CDH22: variants seen among roughly 807,000 people sequenced by gnomAD.
The protein encoded by CDH22 is cadherin 22, also known as cadherin-22.
A neutral mutation model predicts 58.4 loss-of-function variants in CDH22; 30 were observed. The observed-to-expected ratio is 0.51, with a 90% CI of 0.38 to 0.70. The LOEUF (loss-of-function observed/expected upper bound fraction) is 0.70. CDH22 is among the 30% of genes least tolerant of loss of function. The probability of loss-of-function intolerance (pLI) is 0.00; values close to 1 mark genes in which losing one functional copy is unlikely to be tolerated. For synonymous variants in CDH22, 513 were observed against 558.2 expected (o/e 0.92, Z 1.14); for missense variants, 1,014 against 1,233.9 (o/e 0.82, Z 2.67).
chr20:46,262,180 G>T (rs2086436104), intron 1 of CDH22, among the ~76,000 whole-genome samples: 1 of 151,610 alleles, frequency 6.6e-6, no homozygotes, highest in Non-Finnish European at 1.5e-5. Context: ...TGGGACAGAG[G>T]GTGTTTGCAT....
intron 1 of CDH22, among the ~76,000 whole-genome samples, chr20:46,278,055 G>A (rs1327101663): frequency 6.6e-6 from 1 of 152,018 alleles, no homozygotes; most frequent in Non-Finnish European, 1.5e-5. Flanking sequence ...CGTGATGACA[G>A]GTGACAAGGA....
chr20:46,306,015 C>T (rs545204383), intron 1 of CDH22, among the ~76,000 whole-genome samples: 2 of 152,274 alleles, frequency 1.3e-5, no homozygotes, highest in Non-Finnish European at 2.9e-5. Flanking sequence ...GGCTGTGACT[C>T]ACCCGGAGGT....
At chr20:46,235,879 T>C (rs1008725367) in intron 3 of CDH22, among the ~76,000 whole-genome samples, 2 of 152,212 alleles carry the variant, frequency 1.3e-5, no homozygotes, top group Non-Finnish European at 2.9e-5. Flanking sequence ...GTCGTTCTTT[T>C]AAAATATAAG....
In CDH22 at chr20:46,286,756, C is replaced by A. The variant is rs1293872107; in HGVS notation, c.-400+21499G>T. Among the ~76,000 whole-genome samples the A allele has an allele frequency of 2.0e-5, 3 of 152,128 alleles. No homozygotes were observed. The South Asian group carries it at 6.2e-4, about 32-fold the overall frequency. ...AAGGACCCCACCTCTGGTCTTCCTC[C>A]GTGGCAGCCAGCTGCTATATCTGTC... On this transcript the variant is annotated intron_variant, in intron 1 of 11. Transcript: ENST00000537909.
intron 8 of CDH22, among the ~76,000 whole-genome samples, chr20:46,198,236 GCTCT>G (rs113785139): frequency 4.1e-5 from 6 of 145,278 alleles, no homozygotes; most frequent in East Asian, 2.1e-4. Context: ...CATGTCTCAG[GCTCT>G]CTCTCTTTCT....
At chr20:46,289,238 C>T (rs1195098003) in intron 1 of CDH22, among the ~76,000 whole-genome samples, 1 of 152,170 alleles carries the variant, frequency 6.6e-6, no homozygotes, top group Admixed American at 6.5e-5. Flanking sequence ...AAATGGCTGA[C>T]CCCATGCACC....
intron 1 of CDH22, among the ~76,000 whole-genome samples, chr20:46,259,175 T>C (rs2145745816): frequency 6.6e-6 from 1 of 152,336 alleles, no homozygotes; most frequent in South Asian, 2.1e-4. Context: ...ACTCTTGAGA[T>C]GATGGAAACC....
chr20:46,237,227 C>A (rs148486593), intron 3 of CDH22, among the ~76,000 whole-genome samples: 1 of 152,178 alleles, frequency 6.6e-6, no homozygotes. Context: ...GGGAACCAGG[C>A]GTCCTGACTA....
chr20:46,244,633 T>C (rs950543536), intron 2 of CDH22, among the ~76,000 whole-genome samples: 24 of 152,208 alleles, frequency 1.6e-4, no homozygotes, highest in Admixed American at 1.5e-3. Context: ...CCCCGGTCTG[T>C]TTGACTCCAA....
intron 2 of CDH22, among the ~76,000 whole-genome samples, chr20:46,246,592 A>G (rs1404439110): frequency 6.6e-6 from 1 of 152,144 alleles, no homozygotes; most frequent in Non-Finnish European, 1.5e-5. Flanking sequence ...GAGGTGGGCC[A>G]GGGTTGCCAA....
In CDH22 at chr20:46,236,230, G is replaced by C. The variant is rs76188811; in HGVS notation, c.550+4733C>G. ...CAGACCTCGTGAGCCAGAAACGCTG[G>C]GGGGGACAAGGGCAGCAATTTGTGT... On this transcript the variant is annotated intron_variant, in intron 3 of 11. Coordinates refer to ENST00000537909, the MANE Select transcript of CDH22 (RefSeq NM_021248.3). Among the ~76,000 whole-genome samples the C allele has an allele frequency of 5.6e-3, 851 of 151,976 alleles. 9 individuals are homozygous for C. The highest frequency in any genetic ancestry group is 0.02 in the African/African-American group (821 of 41,440).
At chr20:46,194,805 C>T (rs1273419638) in intron 8 of CDH22, among the ~76,000 whole-genome samples, 3 of 152,200 alleles carry the variant, frequency 2.0e-5, no homozygotes, top group African/African-American at 7.2e-5. Flanking sequence ...TCTCGGCCCA[C>T]TGCAACCTCC....
At chr20:46,301,628 C>T (rs1243997263) in intron 1 of CDH22, among the ~76,000 whole-genome samples, 2 of 151,760 alleles carry the variant, frequency 1.3e-5, no homozygotes, top group African/African-American at 2.4e-5. Flanking sequence ...CTGGCCAACA[C>T]GGTGAAACTC....
intron 1 of CDH22, among the ~76,000 whole-genome samples, chr20:46,257,116 T>A (rs2086410297): frequency 6.6e-6 from 1 of 151,398 alleles, no homozygotes; most frequent in South Asian, 2.1e-4. Flanking sequence ...AAGACCAGCC[T>A]GGGGAACATG....
intron 1 of CDH22, among the ~76,000 whole-genome samples, chr20:46,288,625 G>T (rs942011120): frequency 2.6e-5 from 4 of 152,108 alleles, no homozygotes; most frequent in African/African-American, 9.7e-5. Context: ...CAAATAATGA[G>T]AACATAAATT....
At chr20:46,272,559 G>A (rs1360835484) in intron 1 of CDH22, among the ~76,000 whole-genome samples, 4 of 152,210 alleles carry the variant, frequency 2.6e-5, no homozygotes, top group South Asian at 2.1e-4. Flanking sequence ...AAGGAAGCAC[G>A]ATGACTGAGA....
chr20:46,209,306 T>C (rs2086022423), intron 7 of CDH22, among the ~76,000 whole-genome samples: 1 of 152,152 alleles, frequency 6.6e-6, no homozygotes, highest in South Asian at 2.1e-4. Flanking sequence ...AGAGTGCAGA[T>C]GAGCGTGGTG....
chr20:46,178,440 C>T (rs2085757606), intron 10 of CDH22, among the ~76,000 whole-genome samples: 1 of 152,098 alleles, frequency 6.6e-6, no homozygotes, highest in Non-Finnish European at 1.5e-5. Flanking sequence ...AAAATCCTGT[C>T]CCCATGTAGC....
intron 1 of CDH22, among the ~76,000 whole-genome samples, chr20:46,261,631 G>A (rs1266507735): frequency 6.6e-6 from 1 of 152,166 alleles, no homozygotes; most frequent in African/African-American, 2.4e-5. Context: ...CTGCCAGTGG[G>A]AGCGGTGCCT....
Sources: gnomAD v4.1 joint callset for allele counts (sites outside exome capture counted in the v4.1 genomes callset) on GRCh38, gnomAD v4.1.1 for gene constraint, MANE v1.5 for transcripts, NCBI Gene and HGNC (gene_info 2026-07-23, HGNC 2026-07-21) for gene names.